Variants in PTPRN2 observed in about 807,000 individuals in gnomAD.
The protein encoded by PTPRN2 is receptor-type tyrosine-protein phosphatase N2.
Under a neutral mutation model 118.8 loss-of-function variants are expected in PTPRN2, and 74 were observed. The observed-to-expected ratio is 0.62, with a 90% CI of 0.52 to 0.76. The LOEUF is 0.76. PTPRN2 is among the 30% of genes least tolerant of loss of function. The pLI is 0.00. For synonymous variants in PTPRN2, 641 were observed against 608.0 expected (o/e 1.05, Z -0.80); for missense variants, 1,481 against 1,394.4 (o/e 1.06, Z -0.99).
Position 158,093,839 on chromosome 7 carries a change from TA to T in PTPRN2, c.1644-12463del. 6.6e-6 allele frequency among the ~76,000 whole-genome samples: 1 copy of T among 152,306 alleles called. No homozygotes were observed. The highest frequency in any genetic ancestry group is 1.5e-5 in the Non-Finnish European group (1 of 68,028). The stretch of plus-strand genomic sequence containing the variant: ...GGAGGAAGAAGAGAGAACCAATTCT[TA>T]TTTGAATGTATGAGGAAACAAAGAC... On this transcript the variant is annotated intron_variant, in intron 10 of 22. Coordinates refer to ENST00000389418, the MANE Select transcript of PTPRN2 (RefSeq NM_002847.5). The surrounding 1 kb of genome is among the most constrained non-coding windows in gnomAD (Gnocchi z 4.4).
chr7:157,571,200 G>GT (rs373762635), intron 20 of PTPRN2, among the ~76,000 whole-genome samples: 1,137 of 17,462 alleles, frequency 0.065, 30 homozygotes, highest in Middle Eastern at 0.15. Context: ...GGGCAACAGA[G>GT]TTAAAAAAAA....
intron 14 of PTPRN2, among the ~76,000 whole-genome samples, chr7:157,642,108 C>T (rs1203323663): frequency 6.6e-6 from 1 of 152,242 alleles, no homozygotes; most frequent in African/African-American, 2.4e-5. Flanking sequence ...CCGTCAAGGA[C>T]AGAGACGTCT....
At chr7:158,284,355 G>A (rs914690555) in intron 3 of PTPRN2, among the ~76,000 whole-genome samples, 1 of 151,882 alleles carries the variant, frequency 6.6e-6, no homozygotes, top group Admixed American at 6.6e-5. Flanking sequence ...TGGGCACTGT[G>A]TGTGTGCCAG....
Position 158,075,545 on chromosome 7 carries a change from G to A in PTPRN2, c.1723+5753C>T, listed in dbSNP as rs113781895. Among the ~76,000 whole-genome samples, 472 of 152,248 alleles carry A rather than the reference G, an allele frequency of 3.1e-3. 4 individuals carry two copies. Among genetic ancestry groups the A allele is most frequent in the African/African-American group, 0.011 (459 of 41,550 alleles). On this transcript the variant is annotated intron_variant, in intron 11 of 22. Transcript: ENST00000389418. The stretch of plus-strand genomic sequence containing the variant: ...CAGGAGACGGGCACTGAGCCTGCGG[G>A]GCCCACTGTGCAGACCCCACCAGCA...
At position 158,111,392 on chromosome 7, in the gene PTPRN2, G is replaced by A. The variant is rs567443391; in HGVS notation, c.1557-477C>T. On this transcript the variant is annotated intron_variant, in intron 9 of 22. Transcript: ENST00000389418. ...CTGGCAGCAACTCAGGGCAGGGGGC[G>A]GGGGCACTCCCGGAAGGCACTGTGG... is the stretch of plus-strand genomic sequence containing the variant. Among the ~76,000 whole-genome samples the A allele has an allele frequency of 9.2e-5, 14 of 152,306 alleles. 1 individual carries two copies. The highest frequency in any genetic ancestry group is 2.6e-4 in the African/African-American group (11 of 41,576).
At chr7:158,222,093 G>T (rs1828423162) in intron 3 of PTPRN2, among the ~76,000 whole-genome samples, 1 of 152,316 alleles carries the variant, frequency 6.6e-6, no homozygotes, top group African/African-American at 2.4e-5. Flanking sequence ...TGACAAGGTT[G>T]CAGAGAACAG....
chr7:158,207,378 C>A (rs951093716), intron 3 of PTPRN2, among the ~76,000 whole-genome samples: 1 of 151,898 alleles, frequency 6.6e-6, no homozygotes, highest in Non-Finnish European at 1.5e-5. Flanking sequence ...CCTGAGGAAT[C>A]GCCACACTGA....
intron 5 of PTPRN2, among the ~76,000 whole-genome samples, chr7:158,179,164 T>C (rs1462026233): frequency 6.6e-6 from 1 of 152,202 alleles, no homozygotes; most frequent in Non-Finnish European, 1.5e-5. Flanking sequence ...CATACCAACA[T>C]CTATTGTTTT....
intron 11 of PTPRN2, among the ~76,000 whole-genome samples, chr7:157,951,783 T>C (rs112230781): frequency 6.6e-6 from 1 of 152,338 alleles, no homozygotes; most frequent in Non-Finnish European, 1.5e-5. Flanking sequence ...ACCATGGCCC[T>C]GCTCCATCTG....
intron 12 of PTPRN2, among the ~76,000 whole-genome samples, chr7:157,727,541 G>A (rs976060981): frequency 2.6e-5 from 4 of 152,156 alleles, no homozygotes; most frequent in Non-Finnish European, 5.9e-5. Context: ...GAGGAACAGG[G>A]GTCAGTGTTT....
At chr7:157,720,776 T>A (rs1799190040) in intron 12 of PTPRN2, among the ~76,000 whole-genome samples, 1 of 152,314 alleles carries the variant, frequency 6.6e-6, no homozygotes, top group Admixed American at 6.5e-5. Context: ...ACAGGCAGAA[T>A]CCCACCCATT....
intron 2 of PTPRN2, among the ~76,000 whole-genome samples, chr7:158,371,419 TTTTA>T (rs757670385): frequency 8.5e-5 from 13 of 152,314 alleles, no homozygotes; most frequent in East Asian, 1.9e-4. Flanking sequence ...TATCCTTATG[TTTTA>T]TTTGATTAAC....
At position 157,648,885 on chromosome 7, in the gene PTPRN2, G is replaced by A. The variant is rs200338792; in HGVS notation, c.2196+7472C>T. ...ACTCGGTGGGTCGGACCCATCCAGC[G>A]TGCACTGAACTCGGTGGGTTGGACC... On this transcript the variant is annotated intron_variant, in intron 14 of 22. Transcript: ENST00000389418. Among the ~76,000 whole-genome samples, 48 of 142,646 alleles carry A rather than the reference G, an allele frequency of 3.4e-4. 4 individuals are homozygous for A. In the East Asian group the frequency reaches 8.9e-3, roughly 26 times the overall value. The allele number at this position is 142,646 out of a possible 152,430, so 93.6% of individuals were successfully genotyped here.
At chr7:158,193,566 C>A (rs775037735) in intron 4 of PTPRN2, among the ~76,000 whole-genome samples, 1 of 152,094 alleles carries the variant, frequency 6.6e-6, no homozygotes, top group African/African-American at 2.4e-5. Flanking sequence ...TGCGCCCTGT[C>A]CCCCTTTACC....
chr7:158,140,755 C>A (rs1416687036), intron 6 of PTPRN2, among the ~76,000 whole-genome samples: 1 of 152,220 alleles, frequency 6.6e-6, no homozygotes, highest in Non-Finnish European at 1.5e-5. Flanking sequence ...CCACATGCGT[C>A]CAACGCGTCA....
Position 158,532,844 on chromosome 7 carries a change from T to C in PTPRN2, c.113-43059A>G, listed in dbSNP as rs1761344777. ...AGCCCTCTGCACATGGCAGAGAGAA[T>C]GTGGCCCGTGCTGCACTCTGACGCG... On this transcript the variant is annotated intron_variant, in intron 1 of 22. Transcript: ENST00000389418. 5.6e-6 allele frequency: 3 copies of C among 533,478 alleles called. 1 individual carries two copies. The highest frequency in any genetic ancestry group is 2.8e-5 in the South Asian group (2 of 71,554). 33.0% of individuals were successfully genotyped at this position (533,478 alleles called of 1,614,324 possible).
At chr7:158,232,950 A>T (rs556000797) in intron 3 of PTPRN2, among the ~76,000 whole-genome samples, 2 of 152,346 alleles carry the variant, frequency 1.3e-5, no homozygotes, top group African/African-American at 4.8e-5. Flanking sequence ...GCTATATATG[A>T]CAAATCCACA....
chr7:157,771,386 G>A (rs1164026012), intron 12 of PTPRN2, among the ~76,000 whole-genome samples: 2 of 152,176 alleles, frequency 1.3e-5, no homozygotes, highest in African/African-American at 4.8e-5. Context: ...CCCATTCCCT[G>A]TCTCCATCTC....
At chr7:157,777,372 C>G (rs779185946) in intron 12 of PTPRN2, among the ~76,000 whole-genome samples, 5 of 145,950 alleles carry the variant, frequency 3.4e-5, no homozygotes, top group Non-Finnish European at 5.9e-5. Flanking sequence ...AGGGACGCAG[C>G]CTTCCTGATG....
Sources: allele counts gnomAD v4.1 joint callset (sites outside exome capture counted in the v4.1 genomes callset), GRCh38; gene constraint gnomAD v4.1.1; non-coding constraint Gnocchi (gnomAD v3.1); transcripts MANE v1.5; gene names NCBI Gene and HGNC (gene_info 2026-07-23, HGNC 2026-07-21).